DST: variants seen among roughly 807,000 people sequenced by gnomAD.
DST encodes dystonin.
A neutral mutation model predicts 875.2 loss-of-function variants in DST; 253 were observed. The observed-to-expected ratio is 0.29, with a 90% CI of 0.26 to 0.32. DST has a LOEUF of 0.32. DST is among the 10% of genes least tolerant of loss of function. DST has a pLI of 1.00. For missense variants in DST, 8,287 were observed against 9,111.6 expected, an observed-to-expected ratio of 0.91 and a Z score of 3.68; for synonymous variants, 3,124 against 3,197.1, an observed-to-expected ratio of 0.98 and a Z score of 0.77.
intron 5 of DST, among the ~76,000 whole-genome samples, chr6:56,719,211 C>T (rs954556893): frequency 2.6e-5 from 4 of 152,092 alleles, no homozygotes; most frequent in African/African-American, 9.7e-5. Context: ...TTAGACTATT[C>T]TAATATGGGT....
At chr6:56,837,048 A>G (rs1421097620) in intron 4 of DST, among the ~76,000 whole-genome samples, 3 of 152,094 alleles carry the variant, frequency 2.0e-5, no homozygotes, top group Non-Finnish European at 2.9e-5. Context: ...GCTACTAATC[A>G]TGCTCAGAGG....
intron 3 of DST, among the ~76,000 whole-genome samples, chr6:56,891,434 G>A (rs1366170404): frequency 6.6e-6 from 1 of 152,058 alleles, no homozygotes; most frequent in Admixed American, 6.5e-5. Flanking sequence ...AGGCGTGGTA[G>A]CGGGCACCTG....
At chr6:56,808,279 T>C (rs902248387) in intron 4 of DST, among the ~76,000 whole-genome samples, 2 of 151,886 alleles carry the variant, frequency 1.3e-5, no homozygotes, top group Admixed American at 1.3e-4. Flanking sequence ...ACTGAGATTG[T>C]CCGTGCTGCT....
At chr6:56,724,370 C>G (rs548782084) in intron 5 of DST, among the ~76,000 whole-genome samples, 8 of 152,166 alleles carry the variant, frequency 5.3e-5, no homozygotes, top group Non-Finnish European at 1.2e-4. Flanking sequence ...AATGTTTACA[C>G]TATTCTCCAA....
At chr6:56,780,041 C>A (rs569229255) in intron 4 of DST, among the ~76,000 whole-genome samples, 34 of 151,716 alleles carry the variant, frequency 2.2e-4, no homozygotes, top group Non-Finnish European at 4.7e-4. Context: ...CATGTCCCTA[C>A]AAAGGACATG....
rs779073600 is a variant in DST at position 56,463,757 on chromosome 6, T to C, written c.22767A>G (p.Gly7589=). The C allele has an allele frequency of 7.4e-6, 12 of 1,613,940 alleles. No individual in the cohort carries two copies. The highest frequency in any genetic ancestry group is 1.0e-5 in the Non-Finnish European group (12 of 1,179,868). ...ITTTQPTIAK[G]RTNMELREKF... ...TCTCACGCAGTTCCATGTTTGTCCT[T>C]CCTTTGGCTGGGTTATACACACACA... Residue 7589 remains glycine (G), a synonymous_variant, in exon 101 of 104, where the codon GGA becomes GGG. Coordinates refer to ENST00000680361, the MANE Select transcript of DST (RefSeq NM_001374736.1).
At chr6:56,793,210 C>T (rs2099734135) in intron 4 of DST, among the ~76,000 whole-genome samples, 1 of 150,844 alleles carries the variant, frequency 6.6e-6, no homozygotes, top group Admixed American at 6.6e-5. Flanking sequence ...AGGAGGGATG[C>T]ATATTGTATG....
Position 56,560,240 on chromosome 6 carries a change from T to C in DST, c.14440+54A>G, listed in dbSNP as rs542185744. Reference sequence around the variant, plus strand: ...TTTCTGATAAAGATCATGATAAACATGAAAAATGATTGCACTTTTCTTCAT... The same window carrying C: ...TTTCTGATAAAGATCATGATAAACACGAAAAATGATTGCACTTTTCTTCAT... On this transcript the variant is annotated intron_variant, in intron 58 of 103. Transcript: ENST00000680361. 6.7e-5 allele frequency: 99 copies of C among 1,479,184 alleles called. No homozygotes were observed. In the South Asian group the frequency reaches 1.3e-3, roughly 20 times the overall value. 91.6% of individuals were successfully genotyped at this position (1,479,184 alleles called of 1,614,324 possible).
At chr6:56,864,679 A>G (rs1773074030) in intron 3 of DST, among the ~76,000 whole-genome samples, 1 of 152,214 alleles carries the variant, frequency 6.6e-6, no homozygotes, top group Non-Finnish European at 1.5e-5. Context: ...GAAATAATGT[A>G]TGTAAATCCT....
At chr6:56,567,110 TAGAA>T (rs1249598073) in intron 55 of DST, among the ~76,000 whole-genome samples, 2 of 152,200 alleles carry the variant, frequency 1.3e-5, no homozygotes, top group Non-Finnish European at 2.9e-5. Flanking sequence ...GCTTAGCAAG[TAGAA>T]ACTAGTCAGT....
At chr6:56,927,433 C>T (rs1807768249) in intron 2 of DST, among the ~76,000 whole-genome samples, 2 of 152,044 alleles carry the variant, frequency 1.3e-5, no homozygotes, top group African/African-American at 2.4e-5. Flanking sequence ...AAATAAAAGC[C>T]TGACATGGAT....
intron 4 of DST, among the ~76,000 whole-genome samples, chr6:56,813,364 C>G (rs2153038714): frequency 6.7e-6 from 1 of 149,042 alleles, no homozygotes; most frequent in South Asian, 2.1e-4. Context: ...TGCACATGTA[C>G]CCTAAAACTT....
At chr6:56,471,943 C>G in intron 94 of DST, 116 bp downstream of exon 94, 3 of 1,024,388 alleles carry the variant, frequency 2.9e-6, no homozygotes, top group Admixed American at 1.7e-5. Flanking sequence ...ACTCAAATAG[C>G]AAGAGTTTGC....
intron 2 of DST, among the ~76,000 whole-genome samples, chr6:56,904,271 G>A (rs1795383562): frequency 6.6e-6 from 1 of 152,180 alleles, no homozygotes; most frequent in Admixed American, 6.5e-5. Context: ...CACATGTGAG[G>A]TACCGATCAT....
chr6:56,778,560 T>G, intron 4 of DST, among the ~76,000 whole-genome samples: 1 of 110,874 alleles, frequency 9.0e-6, no homozygotes, highest in Non-Finnish European at 1.7e-5. Flanking sequence ...CAGGCCCCGG[T>G]GTGTGATGTT....
At chr6:56,484,335 A>C (rs948416959) in intron 88 of DST, 1 of 152,016 alleles carries the variant, frequency 6.6e-6, no homozygotes, top group African/African-American at 2.4e-5. Flanking sequence ...TTATTCTTTT[A>C]TTTTATTTTA....
At chr6:56,925,053 G>A (rs1194566410) in intron 2 of DST, among the ~76,000 whole-genome samples, 1 of 152,220 alleles carries the variant, frequency 6.6e-6, no homozygotes, top group African/African-American at 2.4e-5. Flanking sequence ...AGATGGGGAG[G>A]AGGGGGACAC....
At chr6:56,534,788 C>T (rs945349908) in intron 63 of DST, among the ~76,000 whole-genome samples, 23 of 152,240 alleles carry the variant, frequency 1.5e-4, no homozygotes, top group Non-Finnish European at 2.9e-4. Flanking sequence ...CTCCCCGATC[C>T]CTGCTTTATT....
chr6:56,913,903 A>C (rs1364448977), intron 2 of DST, among the ~76,000 whole-genome samples: 1 of 152,172 alleles, frequency 6.6e-6, no homozygotes, highest in Middle Eastern at 3.2e-3. Context: ...TTTTATATTT[A>C]GACTGCAACT....
Sources: allele counts gnomAD v4.1 joint callset (sites outside exome capture counted in the v4.1 genomes callset), GRCh38; gene constraint gnomAD v4.1.1; transcripts MANE v1.5; gene names NCBI Gene and HGNC (gene_info 2026-07-23, HGNC 2026-07-21).